UGGT1: variants seen among roughly 807,000 people sequenced by gnomAD.
UGGT1 encodes the protein UDP-glucose glycoprotein glucosyltransferase 1, also known as UDP-glucose:glycoprotein glucosyltransferase 1.
UGGT1 carries 107 observed loss-of-function variants against 203.9 expected under a neutral mutation model. That is an observed-to-expected ratio of 0.52 (90% CI 0.45 to 0.62). The LOEUF is 0.62. UGGT1 is among the 20% of genes least tolerant of loss of function. The probability of loss-of-function intolerance (pLI) is 0.00; values close to 1 mark genes in which losing one functional copy is unlikely to be tolerated. For missense variants in UGGT1, 1,673 were observed against 1,867.2 expected, an observed-to-expected ratio of 0.90 and a Z score of 1.92; for synonymous variants, 628 against 653.5, an observed-to-expected ratio of 0.96 and a Z score of 0.59.
At chr2:128,171,768 A>G (rs1201686816) in intron 28 of UGGT1, among the ~76,000 whole-genome samples, 1 of 152,064 alleles carries the variant, frequency 6.6e-6, no homozygotes, top group Non-Finnish European at 1.5e-5. Context: ...TCACTTCCCA[A>G]AGTGCTGGGT....
In UGGT1 at chr2:128,183,805, T is replaced by A; in HGVS notation, c.4359+16T>A. On this transcript the variant is annotated intron_variant, in intron 38 of 40. Coordinates refer to ENST00000259253, the MANE Select transcript of UGGT1 (RefSeq NM_020120.4). ...TCTTGATCAAGTAAGTGTCCATTTT[T>A]TATGGTTAACTGTGAGTGACGGGTA... 1 of 1,596,932 alleles carries A rather than the reference T, an allele frequency of 6.3e-7. No homozygotes were observed. Among genetic ancestry groups the A allele is most frequent in the Non-Finnish European group, 8.6e-7 (1 of 1,164,532 alleles).
At chr2:128,189,248 C>T (rs1202154812) in intron 40 of UGGT1, among the ~76,000 whole-genome samples, 3 of 152,196 alleles carry the variant, frequency 2.0e-5, no homozygotes, top group Non-Finnish European at 2.9e-5. Flanking sequence ...TCAAGAATTA[C>T]TCTCTTGAGA....
chr2:128,123,938 T>G (rs1688496233), intron 11 of UGGT1, among the ~76,000 whole-genome samples: 1 of 152,150 alleles, frequency 6.6e-6, no homozygotes, highest in Non-Finnish European at 1.5e-5. Context: ...GAAATCAACT[T>G]TCTACTTGTT....
intron 40 of UGGT1, among the ~76,000 whole-genome samples, 199 bp downstream of exon 40, chr2:128,187,813 G>GT (rs371196531): frequency 0.11 from 15,780 of 142,804 alleles, 1,619 homozygotes; most frequent in African/African-American, 0.27. Context: ...CAATTGCTAT[G>GT]TTTTTTTTTT....
At chr2:128,103,055 T>C (rs781516942) in intron 2 of UGGT1, 2 of 470,990 alleles carry the variant, frequency 4.2e-6, no homozygotes, top group South Asian at 3.1e-5. Flanking sequence ...ATGTTTCTTA[T>C]TTTTCCCATA....
intron 4 of UGGT1, among the ~76,000 whole-genome samples, chr2:128,108,941 G>A (rs909320201): frequency 1.4e-4 from 22 of 151,746 alleles, no homozygotes; most frequent in Admixed American, 1.3e-3. Context: ...ACACAGTCTC[G>A]CCCTGTCACC....
At chr2:128,179,236 C>G (rs1366613662) in intron 34 of UGGT1, among the ~76,000 whole-genome samples, 1 of 152,140 alleles carries the variant, frequency 6.6e-6, no homozygotes, top group Non-Finnish European at 1.5e-5. Flanking sequence ...GAAATAATAT[C>G]CTACCTAAAA....
rs768062714 is a variant in UGGT1 at position 128,142,367 on chromosome 2, C to CCT, written c.1720-727_1720-726insCT. Among the ~76,000 whole-genome samples, 1,106 of 148,982 alleles carry CCT rather than the reference C, an allele frequency of 7.4e-3. 10 individuals are homozygous for CCT. The highest frequency in any genetic ancestry group is 0.019 in the Middle Eastern group (5 of 270). On this transcript the variant is annotated intron_variant, in intron 16 of 40. Coordinates refer to ENST00000259253, the MANE Select transcript of UGGT1 (RefSeq NM_020120.4). Reference sequence around the variant, plus strand: ...TTGGGAGGCCGAGGCGGGCGAATCACGAGGTCAGGAGTTCAAGACCAGCCT... The same window carrying CCT: ...TTGGGAGGCCGAGGCGGGCGAATCACCTGAGGTCAGGAGTTCAAGACCAGCCT...
chr2:128,179,049 C>T (rs1691550026), intron 34 of UGGT1, among the ~76,000 whole-genome samples: 1 of 152,208 alleles, frequency 6.6e-6, no homozygotes, highest in Middle Eastern at 3.4e-3. Flanking sequence ...CAGCTACAGC[C>T]AGAAGAGGCC....
chr2:128,120,543 G>A (rs1427237411), intron 9 of UGGT1, 87 bp downstream of exon 9: 7 of 998,642 alleles, frequency 7.0e-6, no homozygotes, highest in East Asian at 2.4e-5. Flanking sequence ...TTAATTGTAT[G>A]TAGTACGTGA....
intron 1 of UGGT1, chr2:128,091,627 C>T: frequency 7.0e-7 from 1 of 1,427,814 alleles, no homozygotes; most frequent in Non-Finnish European, 9.2e-7. Context: ...GCGGCGGGCT[C>T]TGTTCAGCGG....
chr2:128,093,713 G>A (rs750773962), intron 1 of UGGT1, among the ~76,000 whole-genome samples: 1 of 152,132 alleles, frequency 6.6e-6, no homozygotes, highest in Non-Finnish European at 1.5e-5. Flanking sequence ...AAGAGAGCAC[G>A]GTATTGTAGA....
At chr2:128,104,193 A>G (rs1172062352) in intron 3 of UGGT1, among the ~76,000 whole-genome samples, 179 bp downstream of exon 3, 1 of 152,198 alleles carries the variant, frequency 6.6e-6, no homozygotes, top group Non-Finnish European at 1.5e-5. Flanking sequence ...TTTTGAAGCA[A>G]TGTATACCTT....
At chr2:128,126,380 A>G (rs1444901093) in intron 11 of UGGT1, among the ~76,000 whole-genome samples, 2 of 151,820 alleles carry the variant, frequency 1.3e-5, no homozygotes, top group Non-Finnish European at 2.9e-5. Context: ...AGCTAGAATT[A>G]CAGGTACCTG....
At position 128,091,251 on chromosome 2, in the gene UGGT1, G is replaced by C; in HGVS notation, c.-107G>C. 1 of 1,229,444 alleles carries C rather than the reference G, an allele frequency of 8.1e-7. No individual in the cohort carries two copies. The allele number at this position is 1,229,444 out of a possible 1,614,324, so 76.2% of individuals were successfully genotyped here. A position where few individuals can be genotyped will look rare whatever the true frequency, so the allele number is the denominator to read the frequency against. ...GGTGTTGAGTCGAGCCGCGGGAAAG[G>C]CGCGTGTCGGCCTCTCACTGGCGCA... On this transcript the variant is annotated 5_prime_UTR_variant, in exon 1 of 41. Coordinates refer to ENST00000259253, the MANE Select transcript of UGGT1 (RefSeq NM_020120.4).
intron 14 of UGGT1, 102 bp from the exon 15 acceptor site, chr2:128,134,774 G>A (rs1461491310): frequency 1.7e-5 from 16 of 962,746 alleles, no homozygotes; most frequent in Non-Finnish European, 2.3e-5. Flanking sequence ...AGCGTAGCTC[G>A]AAAAAGGTTG....
chr2:128,164,220 G>A (rs1690668590), intron 25 of UGGT1, among the ~76,000 whole-genome samples: 1 of 152,032 alleles, frequency 6.6e-6, no homozygotes, highest in South Asian at 2.1e-4. Flanking sequence ...ACCAAGGAAA[G>A]GATTTTTATA....
chr2:128,102,167 A>C (rs1687405316), intron 2 of UGGT1, among the ~76,000 whole-genome samples: 1 of 148,934 alleles, frequency 6.7e-6, no homozygotes, highest in South Asian at 2.1e-4. Flanking sequence ...TTTGGGATGG[A>C]GTTTCACTCT....
At chr2:128,136,733 G>A (rs1209035960) in intron 15 of UGGT1, among the ~76,000 whole-genome samples, 3 of 152,204 alleles carry the variant, frequency 2.0e-5, no homozygotes, top group African/African-American at 4.8e-5. Flanking sequence ...ACCGAGGAGC[G>A]TGATTGCTGC....
Sources: allele counts gnomAD v4.1 joint callset (sites outside exome capture counted in the v4.1 genomes callset), GRCh38; gene constraint gnomAD v4.1.1; transcripts MANE v1.5; gene names NCBI Gene and HGNC (gene_info 2026-07-23, HGNC 2026-07-21).